The following DPY19L1 variants were observed in gnomAD, a reference collection of about 807,000 sequenced individuals.
DPY19L1 encodes the protein protein C-mannosyl-transferase DPY19L1.
DPY19L1 carries 35 observed loss-of-function variants against 96.9 expected under a neutral mutation model. That is an observed-to-expected ratio of 0.36 (90% CI 0.28 to 0.48). The LOEUF (loss-of-function observed/expected upper bound fraction) is 0.48, where lower values mean the gene tolerates loss of function less well. Ranked by LOEUF, DPY19L1 falls within the 20% of genes least tolerant of loss-of-function variation. The pLI is 0.99. For synonymous variants in DPY19L1, 205 were observed against 252.6 expected, an observed-to-expected ratio of 0.81 and a Z score of 1.79; for missense variants, 521 against 777.9, an observed-to-expected ratio of 0.67 and a Z score of 3.93.
chr7:35,021,665 T>C (rs1785998131), intron 1 of DPY19L1, among the ~76,000 whole-genome samples: 1 of 152,184 alleles, frequency 6.6e-6, no homozygotes. Context: ...GTTGAGTAAC[T>C]TGCATAAGAA....
At chr7:35,017,635 G>A (rs1302613170) in intron 3 of DPY19L1, among the ~76,000 whole-genome samples, 1 of 151,554 alleles carries the variant, frequency 6.6e-6, no homozygotes, top group Admixed American at 6.6e-5. Context: ...TGGAGCCACT[G>A]CACTCCAGCC....
chr7:34,947,380 T>C (rs1784170709), intron 15 of DPY19L1, among the ~76,000 whole-genome samples: 1 of 152,200 alleles, frequency 6.6e-6, no homozygotes, highest in African/African-American at 2.4e-5. Context: ...TCTCTGATCA[T>C]GCCTTCCAAA....
chr7:34,959,927 A>ATATATATT (rs1784465793), intron 10 of DPY19L1, among the ~76,000 whole-genome samples: 1 of 27,406 alleles, frequency 3.6e-5, no homozygotes, highest in Non-Finnish European at 6.9e-5. Flanking sequence ...ATATATATTT[A>ATATATATT]TATATATATA....
Position 34,989,959 on chromosome 7 carries a change from A to G in DPY19L1, c.765-18T>C, listed in dbSNP as rs753697645. The stretch of plus-strand genomic sequence containing the variant: ...GGCTGCCACTGGAAAAGAAGAAAAC[A>G]TAACTCAAATAACAAAAATTCAGGT... On this transcript the variant is annotated intron_variant, in intron 6 of 21. Transcript: ENST00000638088. The G allele has an allele frequency of 3.1e-6, 5 of 1,598,884 alleles. No individual in the cohort carries two copies. The highest frequency in any genetic ancestry group is 2.3e-5 in the South Asian group (2 of 87,594).
Position 34,999,179 on chromosome 7 carries a change from G to A in DPY19L1, c.765-9238C>T, listed in dbSNP as rs554830700. ...TATCTACCACATCATGACCTTTTAC[G>A]GGACTAAAGAGAGAAAGATGAACCC... is the stretch of plus-strand genomic sequence containing the variant. On this transcript the variant is annotated intron_variant, in intron 6 of 21. Transcript: ENST00000638088. 3.7e-4 allele frequency among the ~76,000 whole-genome samples: 57 copies of A among 152,184 alleles called. 2 individuals are homozygous for A. The highest frequency in any genetic ancestry group is 4.1e-4 in the South Asian group (2 of 4,828).
Position 34,987,036 on chromosome 7 carries a change from A to T in DPY19L1, c.822+2848T>A, listed in dbSNP as rs932405654. Among the ~76,000 whole-genome samples, 51 of 152,156 alleles carry T rather than the reference A, an allele frequency of 3.4e-4. No individual in the cohort carries two copies. The East Asian group carries it at 6.9e-3, about 21-fold the overall frequency. ...CTAAACAATCCTATTTCACAAAAAA[A>T]GAATTTCTAACAATCAAAAAATTGG... On this transcript the variant is annotated intron_variant, in intron 7 of 21. Transcript: ENST00000638088.
At chr7:34,998,005 T>C (rs1236560425) in intron 6 of DPY19L1, among the ~76,000 whole-genome samples, 2 of 152,254 alleles carry the variant, frequency 1.3e-5, no homozygotes, top group African/African-American at 2.4e-5. Flanking sequence ...AAAAAGGGCT[T>C]TGACATACAG....
chr7:34,941,598 T>C (rs1413250876), intron 18 of DPY19L1, among the ~76,000 whole-genome samples, 167 bp downstream of exon 18: 2 of 152,182 alleles, frequency 1.3e-5, no homozygotes, highest in African/African-American at 2.4e-5. Flanking sequence ...TTTAGAAAGA[T>C]AGAAAATGAT....
chr7:34,960,263 A>G (rs1372758086), intron 10 of DPY19L1, among the ~76,000 whole-genome samples: 2 of 152,076 alleles, frequency 1.3e-5, no homozygotes, highest in South Asian at 2.1e-4. Context: ...ATTTATAGTT[A>G]TATCTGTTCA....
intron 13 of DPY19L1, among the ~76,000 whole-genome samples, chr7:34,950,135 CT>C (rs1178392218): frequency 2.0e-5 from 3 of 152,086 alleles, no homozygotes; most frequent in Admixed American, 6.6e-5. Context: ...ATCCCAAAGG[CT>C]TTTTCCCTTG....
At chr7:35,012,886 T>G (rs1785747165) in intron 4 of DPY19L1, among the ~76,000 whole-genome samples, 1 of 148,418 alleles carries the variant, frequency 6.7e-6, no homozygotes. Context: ...GCAATTATTT[T>G]TAAAAGTAAA....
At chr7:35,031,349 T>A (rs970446043) in intron 1 of DPY19L1, among the ~76,000 whole-genome samples, 4 of 152,228 alleles carry the variant, frequency 2.6e-5, no homozygotes, top group Non-Finnish European at 5.9e-5. Context: ...ATTTAAAGTA[T>A]CCAGGAGTAT....
intron 7 of DPY19L1, among the ~76,000 whole-genome samples, chr7:34,987,254 C>T (rs1263319086): frequency 6.6e-6 from 1 of 151,970 alleles, no homozygotes; most frequent in Non-Finnish European, 1.5e-5. Context: ...ACTAAAGAAG[C>T]TTGATCAATG....
intron 7 of DPY19L1, among the ~76,000 whole-genome samples, chr7:34,985,562 T>C (rs978981861): frequency 3.4e-5 from 5 of 148,970 alleles, no homozygotes; most frequent in East Asian, 3.9e-4. Flanking sequence ...CCAACAGATA[T>C]ATGAAAAAAA....
intron 1 of DPY19L1, among the ~76,000 whole-genome samples, chr7:35,035,212 CT>C (rs1389634075): frequency 6.6e-6 from 1 of 152,226 alleles, no homozygotes; most frequent in East Asian, 1.9e-4. Context: ...TTCCATATAT[CT>C]GATGGCCATG....
intron 7 of DPY19L1, among the ~76,000 whole-genome samples, chr7:34,977,217 C>T (rs1253887664): frequency 6.6e-6 from 1 of 152,120 alleles, no homozygotes; most frequent in Non-Finnish European, 1.5e-5. Context: ...ATTCATTTTA[C>T]GGTATCTCTG....
chr7:35,014,571 C>A (rs1310078760), intron 3 of DPY19L1, among the ~76,000 whole-genome samples: 1 of 152,026 alleles, frequency 6.6e-6, no homozygotes, highest in Non-Finnish European at 1.5e-5. Flanking sequence ...GTTTAAGACT[C>A]ACAAATACAA....
chr7:34,940,216 C>T lies in DPY19L1; in HGVS notation c.1801G>A (p.Gly601Arg). 1 of 1,610,644 alleles carries T rather than the reference C, an allele frequency of 6.2e-7. No homozygotes were observed. The highest frequency in any genetic ancestry group is 1.1e-5 in the South Asian group (1 of 90,760). The change falls in exon 19 of 22, where the codon GGG becomes AGG. Residue 601 changes from glycine to arginine, a missense_variant. Transcript: ENST00000638088. ...TCTTGGGGCAAATTGCTGAACTCCCCTACAATATTCCACTGGGTTTGCAGA... is the reference window on the plus strand; with the variant it reads ...TCTTGGGGCAAATTGCTGAACTCCCTTACAATATTCCACTGGGTTTGCAGA... Reference protein sequence around the residue: ...ANLQTQWNIVGEFSNLPQEEL... With the variant: ...ANLQTQWNIVREFSNLPQEEL...
intron 18 of DPY19L1, chr7:34,940,630 T>C: frequency 5.2e-6 from 1 of 193,090 alleles, no homozygotes. Context: ...TGGGGTCTCT[T>C]GTTAAAAAAT....
Sources: gnomAD v4.1 joint callset for allele counts (sites outside exome capture counted in the v4.1 genomes callset) on GRCh38, gnomAD v4.1.1 for gene constraint, MANE v1.5 for transcripts, NCBI Gene and HGNC (gene_info 2026-07-23, HGNC 2026-07-21) for gene names.